Variants in SCML4 observed in about 807,000 individuals in gnomAD.
SCML4 encodes the protein Scm polycomb group protein like 4.
SCML4 carries 34 observed loss-of-function variants against 41.1 expected under a neutral mutation model. That is an observed-to-expected ratio of 0.83 (90% CI 0.63 to 1.10). SCML4 has a LOEUF of 1.10. Ranked by LOEUF, SCML4 falls within the 50% of genes least tolerant of loss-of-function variation. SCML4 has a pLI of 0.00. For synonymous variants in SCML4, 214 were observed against 220.9 expected (o/e 0.97, Z 0.28); for missense variants, 522 against 534.1 (o/e 0.98, Z 0.22).
intron 5 of SCML4, among the ~76,000 whole-genome samples, chr6:107,737,756 G>A (rs545077130): frequency 5.8e-4 from 89 of 152,286 alleles, no homozygotes; most frequent in African/African-American, 1.8e-3. Flanking sequence ...ATGGTGAGCC[G>A]GGTGGGAGGG....
intron 1 of SCML4, among the ~76,000 whole-genome samples, chr6:107,773,589 C>CAAAAAAAAAAAAAA (rs5878938): frequency 2.6e-5 from 2 of 76,978 alleles, no homozygotes; most frequent in Non-Finnish European, 5.0e-5. Context: ...AAGACTGTCT[C>CAAAAAAAAAAAAAA]AAAAAAAAAA....
intron 1 of SCML4, among the ~76,000 whole-genome samples, chr6:107,779,133 TCG>T (rs779953759): frequency 7.2e-4 from 109 of 151,968 alleles, no homozygotes; most frequent in Non-Finnish European, 1.0e-3. Flanking sequence ...TGAGACAAGA[TCG>T]CGCCACTGCA....
chr6:107,718,079 G>C (rs371386376), intron 6 of SCML4, among the ~76,000 whole-genome samples: 1 of 152,126 alleles, frequency 6.6e-6, no homozygotes, highest in Non-Finnish European at 1.5e-5. Context: ...GCTGCCCCTC[G>C]GCCAGTCGTC....
intron 1 of SCML4, among the ~76,000 whole-genome samples, chr6:107,802,012 C>A (rs1434492172): frequency 6.6e-6 from 1 of 151,972 alleles, no homozygotes; most frequent in Non-Finnish European, 1.5e-5. Context: ...GCCTCATGAT[C>A]TGCCCGCCTC....
At chr6:107,790,725 A>T (rs534370876) in intron 1 of SCML4, among the ~76,000 whole-genome samples, 1 of 152,312 alleles carries the variant, frequency 6.6e-6, no homozygotes, top group African/African-American at 2.4e-5. Context: ...TGGCCAGACG[A>T]GGACAACCAT....
In SCML4 at chr6:107,720,977, G is replaced by A. The variant is rs143482719; in HGVS notation, c.699C>T (p.Thr233=). 196 of 1,610,494 alleles carry A rather than the reference G, an allele frequency of 1.2e-4. 1 individual carries two copies. Among genetic ancestry groups the A allele is most frequent in the Admixed American group, 9.1e-4 (54 of 59,494 alleles). ...CCACAGGGTTCACCAGGTACTCTTC[G>A]GTGGTGACTGTCTTGACTAAGCAAT... ...GRMESVKTVT[T]EEYLVNPVGM... The change falls in exon 6 of 8, where the codon ACC becomes ACT. Residue 233 remains threonine (T), a synonymous_variant. Transcript: ENST00000369020.
chr6:107,811,876 G>T (rs1380010903), intron 1 of SCML4, among the ~76,000 whole-genome samples: 4 of 152,190 alleles, frequency 2.6e-5, no homozygotes, highest in African/African-American at 9.7e-5. Flanking sequence ...ACCAGTCGTG[G>T]CGTCTATGAT....
chr6:107,712,594 T>C (rs1389323099), intron 6 of SCML4, among the ~76,000 whole-genome samples: 1 of 152,106 alleles, frequency 6.6e-6, no homozygotes, highest in African/African-American at 2.4e-5. Context: ...CTCGGGCGTG[T>C]TTCTTAGGGG....
chr6:107,842,581 T>C, the SCML4 span, among the ~76,000 whole-genome samples: 1,726 of 152,292 alleles, frequency 0.011, 19 homozygotes, highest in Non-Finnish European at 0.013. Flanking sequence ...TATTTTGAGA[T>C]GGGGTTTTGC....
the SCML4 span, among the ~76,000 whole-genome samples, chr6:107,839,733 C>T: frequency 6.6e-6 from 1 of 152,048 alleles, no homozygotes; most frequent in Non-Finnish European, 1.5e-5. Context: ...TGAGAGAGCT[C>T]ACAAGTACTA....
chr6:107,811,601 G>GA (rs1260550080), intron 1 of SCML4, among the ~76,000 whole-genome samples: 1 of 152,058 alleles, frequency 6.6e-6, no homozygotes, highest in Non-Finnish European at 1.5e-5. Flanking sequence ...GCCTAAATGG[G>GA]AAAAAATGTG....
intron 5 of SCML4, among the ~76,000 whole-genome samples, chr6:107,744,262 G>A (rs909869249): frequency 6.6e-6 from 1 of 152,144 alleles, no homozygotes; most frequent in African/African-American, 2.4e-5. Flanking sequence ...AGCCCCTTGG[G>A]TAGACAACAC....
chr6:107,713,961 G>A (rs1460253869), intron 6 of SCML4, among the ~76,000 whole-genome samples: 1 of 152,196 alleles, frequency 6.6e-6, no homozygotes, highest in African/African-American at 2.4e-5. Context: ...GCCCAGGCTG[G>A]AGTGCAGTGG....
At chr6:107,757,174 G>T (rs762799053) in intron 2 of SCML4, among the ~76,000 whole-genome samples, 7 of 152,130 alleles carry the variant, frequency 4.6e-5, no homozygotes, top group Non-Finnish European at 1.0e-4. Context: ...CAAAATATGG[G>T]CCTGGGGAAT....
chr6:107,753,165 C>A (rs914041625), intron 2 of SCML4, among the ~76,000 whole-genome samples: 1 of 152,000 alleles, frequency 6.6e-6, no homozygotes. Context: ...AAAATGAAAA[C>A]CCCCCAGAAA....
intron 1 of SCML4, among the ~76,000 whole-genome samples, chr6:107,796,162 A>G (rs1051180878): frequency 1.3e-5 from 2 of 152,118 alleles, no homozygotes; most frequent in African/African-American, 4.8e-5. Flanking sequence ...TTTTGTGGAC[A>G]TATGTTTTTA....
At chr6:107,802,492 G>C (rs181373782) in intron 1 of SCML4, among the ~76,000 whole-genome samples, 1 of 151,640 alleles carries the variant, frequency 6.6e-6, no homozygotes, top group East Asian at 1.9e-4. Context: ...GAGGGAAGGC[G>C]GGGTAGGAAA....
chr6:107,819,785 C>T lies in SCML4; in HGVS notation c.-60+4341G>A, dbSNP rs371855738. ...ATGGTTTCTTATCACTGGACTAAAA[C>T]ACAACTAGTAAAACTGGTATAGTAA... On this transcript the variant is annotated intron_variant, in intron 1 of 7. Coordinates refer to ENST00000369020, the MANE Select transcript of SCML4 (RefSeq NM_198081.5). Among the ~76,000 whole-genome samples, 73 of 151,828 alleles carry T rather than the reference C, an allele frequency of 4.8e-4. 1 individual carries two copies. The South Asian group carries it at 0.013, about 26-fold the overall frequency.
intron 5 of SCML4, among the ~76,000 whole-genome samples, chr6:107,741,522 C>A (rs1777597991): frequency 6.6e-6 from 1 of 152,220 alleles, no homozygotes; most frequent in African/African-American, 2.4e-5. Context: ...GTAGAACTAC[C>A]ATCCCCAGCC....
Sources: gnomAD v4.1 joint callset for allele counts (sites outside exome capture counted in the v4.1 genomes callset) on GRCh38, gnomAD v4.1.1 for gene constraint, MANE v1.5 for transcripts, NCBI Gene and HGNC (gene_info 2026-07-23, HGNC 2026-07-21) for gene names.